BRF1: variants seen among roughly 807,000 people sequenced by gnomAD.
BRF1 encodes transcription factor IIIB 90 kDa subunit.
In BRF1, 59 loss-of-function variants were observed where a neutral mutation model predicts 81.7. The observed-to-expected ratio is 0.72, with a 90% CI of 0.59 to 0.90. BRF1 has a LOEUF of 0.90. Among genes scored for constraint, BRF1 ranks in the 40% least tolerant of loss-of-function variants. The pLI, the probability that BRF1 is intolerant of heterozygous loss-of-function variation, is 0.00. For synonymous variants in BRF1, 491 were observed against 395.6 expected, an observed-to-expected ratio of 1.24 and a Z score of -2.86; for missense variants, 1,050 against 936.3, an observed-to-expected ratio of 1.12 and a Z score of -1.58.
At chr14:105,228,091 T>A (rs1188101248) in intron 7 of BRF1, 1 of 152,144 alleles carries the variant, frequency 6.6e-6, no homozygotes, top group African/African-American at 2.4e-5. Flanking sequence ...ATTTCACTGA[T>A]GCGGGGACCT....
intron 1 of BRF1, chr14:105,314,973 C>A: frequency 8.1e-7 from 1 of 1,241,604 alleles, no homozygotes. Flanking sequence ...GCTCAACACG[C>A]CCGTGCCCAT....
intron 15 of BRF1, among the ~76,000 whole-genome samples, chr14:105,216,010 A>G (rs1409040579): frequency 2.1e-5 from 3 of 142,232 alleles, no homozygotes; most frequent in South Asian, 2.2e-4. Flanking sequence ...ATGCACACAC[A>G]CGCTGCAGGC....
intron 16 of BRF1, chr14:105,211,835 C>T (rs1890164997): frequency 3.8e-6 from 2 of 527,146 alleles, no homozygotes; most frequent in East Asian, 3.3e-5. Context: ...AGGCTCCCTG[C>T]AGGCACCAGG....
At chr14:105,279,108 C>T (rs2056964837) in intron 2 of BRF1, among the ~76,000 whole-genome samples, 1 of 152,004 alleles carries the variant, frequency 6.6e-6, no homozygotes, top group Non-Finnish European at 1.5e-5. Flanking sequence ...ACTCGGGAGG[C>T]TGAAGTGAGA....
rs138535370 is a variant in BRF1 at position 105,269,682 on chromosome 14, G to A, written c.439+3039C>T. Among the ~76,000 whole-genome samples, 1,128 of 152,190 alleles carry A rather than the reference G, an allele frequency of 7.4e-3. 8 individuals are homozygous for A. Among genetic ancestry groups the A allele is most frequent in the African/African-American group, 0.025 (1,052 of 41,520 alleles). ...TCCTGCCAGACTCAGAGGCAGCCCC[G>A]GCAGTGCCACAGGACTGCTCTCCGT... On this transcript the variant is annotated intron_variant, in intron 3 of 17. Transcript: ENST00000547530. This position sits in a 1 kb window ranked among gnomAD's most constrained non-coding sequence, Gnocchi z 5.0.
chr14:105,229,560 C>A (rs982114511), intron 6 of BRF1, among the ~76,000 whole-genome samples: 14 of 152,216 alleles, frequency 9.2e-5, no homozygotes, highest in Non-Finnish European at 1.9e-4. Context: ...CCCACCAGCA[C>A]CAAGGGCAAA....
At chr14:105,265,054 G>GTTCTTTTTTTTTT (rs2056342034) in intron 3 of BRF1, among the ~76,000 whole-genome samples, 1 of 130,110 alleles carries the variant, frequency 7.7e-6, no homozygotes, top group Non-Finnish European at 1.6e-5. Context: ...CCTTTTTTTT[G>GTTCTTTTTTTTTT]TTTTTTTTTT....
rs1277340098 is a variant in BRF1, at chr14:105,226,686, T to C, written c.863A>G (p.Glu288Gly). The C allele has an allele frequency of 2.5e-6, 4 of 1,613,596 alleles. No homozygotes were observed. Among genetic ancestry groups the C allele is most frequent in the Non-Finnish European group, 3.4e-6 (4 of 1,180,018 alleles). ...AGCTGTGTACGAGGGGGGGTCGCAC[T>C]CCTCCTCCAGGTCGATCTTCATGAA... ...DEFMKIDLEE[E>G]CDPPSYTAGQ... Residue 288 changes from glutamate (E) to glycine (G), a missense_variant, in exon 8 of 18, where the codon GAG becomes GGG. Physicochemically the swap from Glu to Gly is moderately conservative, Grantham distance 98. Coordinates refer to ENST00000547530, the MANE Select transcript of BRF1 (RefSeq NM_001519.4).
intron 15 of BRF1, among the ~76,000 whole-genome samples, chr14:105,215,659 C>A (rs918798051): frequency 6.8e-6 from 1 of 146,844 alleles, no homozygotes; most frequent in African/African-American, 2.6e-5. Flanking sequence ...CACACACACA[C>A]TGCATACACA....
intron 1 of BRF1, among the ~76,000 whole-genome samples, chr14:105,296,524 CA>C (rs1161480429): frequency 2.1e-5 from 3 of 142,402 alleles, no homozygotes; most frequent in African/African-American, 7.8e-5. Context: ...AAAAAAAAAA[CA>C]AAAAACTTAG....
At chr14:105,218,469 A>G (rs1236379664) in intron 14 of BRF1, among the ~76,000 whole-genome samples, 2 of 152,096 alleles carry the variant, frequency 1.3e-5, no homozygotes, top group Non-Finnish European at 2.9e-5. Flanking sequence ...AGCCACCTCC[A>G]GCTTCGTCTG....
intron 6 of BRF1, among the ~76,000 whole-genome samples, chr14:105,229,219 A>G (rs770550589): frequency 6.6e-6 from 1 of 152,232 alleles, no homozygotes; most frequent in African/African-American, 2.4e-5. Flanking sequence ...CTGTGCGGGA[A>G]ACACAGCTTG....
chr14:105,247,568 C>T, intron 5 of BRF1: 1 of 985,364 alleles, frequency 1.0e-6, no homozygotes, highest in Non-Finnish European at 1.2e-6. Context: ...AGGGAACATT[C>T]ACTACAACTG....
chr14:105,249,390 T>C (rs1397347290), intron 5 of BRF1: 1 of 1,613,094 alleles, frequency 6.2e-7, no homozygotes, highest in Non-Finnish European at 8.5e-7. Flanking sequence ...CTCCGTCTTC[T>C]ATGCCATGTT....
At chr14:105,246,555 C>T (rs987168239) in intron 5 of BRF1, among the ~76,000 whole-genome samples, 9 of 152,174 alleles carry the variant, frequency 5.9e-5, no homozygotes, top group African/African-American at 1.2e-4. Context: ...CTGCAACCTC[C>T]GCCTCCCTGG....
rs1256722969 is a variant in BRF1, at chr14:105,309,016, CA to C, written c.-162+6305del. Among the ~76,000 whole-genome samples the C allele has an allele frequency of 6.6e-6, 1 of 152,040 alleles. No individual in the cohort carries two copies. The highest frequency in any genetic ancestry group is 1.5e-5 in the Non-Finnish European group (1 of 68,002). ...AAAGAAAAAGACAAACAAAACCTAA[CA>C]AAACCAGAAATCCATCCTGCACGAA... On this transcript the variant is annotated intron_variant, in intron 1 of 17. Transcript: ENST00000327359. The surrounding 1 kb of genome is among the most constrained non-coding windows in gnomAD (Gnocchi z 4.0).
chr14:105,261,946 G>A (rs1245447297), intron 3 of BRF1, among the ~76,000 whole-genome samples: 2 of 147,090 alleles, frequency 1.4e-5, no homozygotes, highest in African/African-American at 2.7e-5. Flanking sequence ...GGCCCCCCCT[G>A]CTCTGAGTGC....
intron 4 of BRF1, 182 bp downstream of exon 4, chr14:105,256,336 T>C (rs768208830): frequency 5.7e-5 from 88 of 1,552,750 alleles, no homozygotes; most frequent in Non-Finnish European, 7.6e-5. Flanking sequence ...AGTCTCGGAC[T>C]GTGACCCCCA....
upstream of BRF1, among the ~76,000 whole-genome samples, chr14:105,301,808 C>T (rs2058039601): frequency 6.6e-6 from 1 of 152,234 alleles, no homozygotes; most frequent in Admixed American, 6.5e-5. Flanking sequence ...TCACAATCGC[C>T]ATAGGGCCGG....
Sources: allele counts gnomAD v4.1 joint callset (sites outside exome capture counted in the v4.1 genomes callset), GRCh38; gene constraint gnomAD v4.1.1; non-coding constraint Gnocchi (gnomAD v3.1); transcripts MANE v1.5; gene names NCBI Gene and HGNC (gene_info 2026-07-23, HGNC 2026-07-21).